Variants in GNG12 observed in about 807,000 individuals in gnomAD.
GNG12 encodes the protein G protein subunit gamma 12, also known as guanine nucleotide-binding protein G(I)/G(S)/G(O) subunit gamma-12.
For synonymous variants in GNG12, 28 were observed against 29.7 expected (o/e 0.94, Z 0.19); for missense variants, 69 against 83.8 (o/e 0.82, Z 0.69).
At chr1:67,808,162 A>G (rs1173497434) in intron 1 of GNG12, among the ~76,000 whole-genome samples, 4 of 152,152 alleles carry the variant, frequency 2.6e-5, no homozygotes, top group African/African-American at 9.6e-5. Context: ...TTGAAAATCA[A>G]TTAATGGAAT....
intron 2 of GNG12, among the ~76,000 whole-genome samples, chr1:67,773,077 A>G (rs1646684300): frequency 6.6e-6 from 1 of 152,212 alleles, no homozygotes; most frequent in Non-Finnish European, 1.5e-5. Flanking sequence ...AAGTCAAGAG[A>G]CTAGTTTAAA....
At chr1:67,800,525 T>C (rs1001431900) in intron 1 of GNG12, among the ~76,000 whole-genome samples, 7 of 152,208 alleles carry the variant, frequency 4.6e-5, no homozygotes, top group African/African-American at 1.4e-4. Flanking sequence ...CAACTTGCAA[T>C]TGAAATAATC....
intron 1 of GNG12, among the ~76,000 whole-genome samples, chr1:67,800,188 G>A (rs979542753): frequency 3.9e-5 from 6 of 151,982 alleles, no homozygotes; most frequent in African/African-American, 1.4e-4. Flanking sequence ...GAAAAATATT[G>A]GTTCACTGAA....
At chr1:67,812,485 G>C (rs1646931687) in intron 1 of GNG12, among the ~76,000 whole-genome samples, 1 of 152,178 alleles carries the variant, frequency 6.6e-6, no homozygotes, top group Admixed American at 6.5e-5. Context: ...GAATGGAAGA[G>C]GCCTCAATGA....
chr1:67,787,016 T>C (rs1283649201), intron 1 of GNG12, among the ~76,000 whole-genome samples: 1 of 137,946 alleles, frequency 7.2e-6, no homozygotes, highest in Non-Finnish European at 1.5e-5. Context: ...TCTGTGTGTG[T>C]GTATATATGT....
intron 1 of GNG12, among the ~76,000 whole-genome samples, chr1:67,800,827 A>T (rs1417526088): frequency 6.6e-6 from 1 of 150,698 alleles, no homozygotes; most frequent in Non-Finnish European, 1.5e-5. Flanking sequence ...TATGATTTTA[A>T]ACTTGACCTT....
intron 2 of GNG12, among the ~76,000 whole-genome samples, chr1:67,764,247 C>T (rs1324193480): frequency 6.6e-6 from 1 of 152,132 alleles, no homozygotes; most frequent in East Asian, 1.9e-4. Flanking sequence ...AGGGAATAGT[C>T]TGGTGCGTAG....
intron 2 of GNG12, among the ~76,000 whole-genome samples, chr1:67,754,193 T>C (rs1646554997): frequency 6.6e-6 from 1 of 152,188 alleles, no homozygotes; most frequent in Non-Finnish European, 1.5e-5. Context: ...GCTCTTGGCC[T>C]GGCCCACAGG....
intron 2 of GNG12, among the ~76,000 whole-genome samples, chr1:67,724,508 G>A (rs1646375062): frequency 6.6e-6 from 1 of 152,140 alleles, no homozygotes; most frequent in Non-Finnish European, 1.5e-5. Context: ...TCCTGCCTCA[G>A]CCTCCTGAGT....
chr1:67,744,421 C>T (rs985997608), intron 2 of GNG12, among the ~76,000 whole-genome samples: 1 of 151,938 alleles, frequency 6.6e-6, no homozygotes, highest in African/African-American at 2.4e-5. Context: ...AAGGCAGAGG[C>T]TACCCCTGGT....
At chr1:67,729,870 T>G (rs1167652688) in intron 2 of GNG12, among the ~76,000 whole-genome samples, 3 of 152,178 alleles carry the variant, frequency 2.0e-5, no homozygotes, top group African/African-American at 7.2e-5. Flanking sequence ...CAGATGTATC[T>G]TCCTAAAATT....
In GNG12 at chr1:67,789,607, C is replaced by T. The variant is rs183819512; in HGVS notation, c.-76-12100G>A. Among the ~76,000 whole-genome samples, 3 of 152,274 alleles carry T rather than the reference C, an allele frequency of 2.0e-5. No individual in the cohort carries two copies. In the East Asian group the frequency reaches 5.8e-4, roughly 29 times the overall value. Reference sequence around the variant, plus strand: ...CTAAAGCTATTACTCTTTTTGCCGACACCTTTGCATCAGACATAGATAGAA... The same window carrying T: ...CTAAAGCTATTACTCTTTTTGCCGATACCTTTGCATCAGACATAGATAGAA... On this transcript the variant is annotated intron_variant, in intron 1 of 3. Transcript: ENST00000370982.
intron 2 of GNG12, among the ~76,000 whole-genome samples, chr1:67,770,986 A>G (rs1349222872): frequency 6.6e-6 from 1 of 152,050 alleles, no homozygotes; most frequent in African/African-American, 2.4e-5. Flanking sequence ...GTGCGTGCTG[A>G]GAGAGAGTGA....
At chr1:67,768,627 T>G (rs1049499982) in intron 2 of GNG12, among the ~76,000 whole-genome samples, 1 of 152,342 alleles carries the variant, frequency 6.6e-6, no homozygotes, top group Admixed American at 6.5e-5. Flanking sequence ...CAGTGTTTCC[T>G]TTAATATAGC....
chr1:67,707,108 G>A (rs748670566), intron 3 of GNG12, among the ~76,000 whole-genome samples: 1 of 152,182 alleles, frequency 6.6e-6, no homozygotes, highest in Non-Finnish European at 1.5e-5. Flanking sequence ...ACTAAAGCTC[G>A]CATTATTACT....
intron 2 of GNG12, among the ~76,000 whole-genome samples, chr1:67,714,415 T>C (rs148944904): frequency 2.8e-3 from 429 of 152,304 alleles, no homozygotes; most frequent in African/African-American, 9.9e-3. Context: ...TGATAACGTA[T>C]TTAAGCCTCA....
intron 2 of GNG12, among the ~76,000 whole-genome samples, chr1:67,721,263 G>T (rs1277424278): frequency 2.0e-5 from 3 of 152,208 alleles, no homozygotes; most frequent in Admixed American, 1.3e-4. Context: ...ACTCCAAGGT[G>T]CTAAGCATGT....
At chr1:67,821,043 C>A (rs1191401910) in intron 1 of GNG12, among the ~76,000 whole-genome samples, 1 of 152,100 alleles carries the variant, frequency 6.6e-6, no homozygotes, top group Non-Finnish European at 1.5e-5. Context: ...ATTCCTAAGC[C>A]AAATATGGTG....
At position 67,833,453 on chromosome 1, in the gene GNG12, C is replaced by G. The variant is rs1478663948; in HGVS notation, c.-186G>C. On this transcript the variant is annotated 5_prime_UTR_variant, in exon 1 of 4. Transcript: ENST00000370982. Reference sequence around the variant, plus strand: ...CTCCTCCTCTTGCTCCTCCGGGCGCCGGCTCCGCCTCGCTGGGGTGGGCGG... The same window carrying G: ...CTCCTCCTCTTGCTCCTCCGGGCGCGGGCTCCGCCTCGCTGGGGTGGGCGG... 4 of 985,384 alleles carry G rather than the reference C, an allele frequency of 4.1e-6. No homozygotes were observed. The highest frequency in any genetic ancestry group is 4.8e-6 in the Non-Finnish European group (4 of 830,278). 61.0% of individuals were successfully genotyped at this position (985,384 alleles called of 1,614,324 possible).
Sources: gnomAD v4.1 joint callset for allele counts (sites outside exome capture counted in the v4.1 genomes callset) on GRCh38, gnomAD v4.1.1 for gene constraint, MANE v1.5 for transcripts, NCBI Gene and HGNC (gene_info 2026-07-23, HGNC 2026-07-21) for gene names.